Variants in NCSTN observed in about 807,000 individuals in gnomAD.
The protein encoded by NCSTN is nicastrin.
NCSTN carries 22 observed loss-of-function variants against 87.0 expected under a neutral mutation model. The observed-to-expected ratio is 0.25, with a 90% CI of 0.18 to 0.36. The LOEUF is 0.36. Ranked by LOEUF, NCSTN falls within the 10% of genes least tolerant of loss-of-function variation. The pLI is 1.00. For synonymous variants in NCSTN, 306 were observed against 327.1 expected, an observed-to-expected ratio of 0.94 and a Z score of 0.69; for missense variants, 693 against 883.3, an observed-to-expected ratio of 0.78 and a Z score of 2.73.
intron 16 of NCSTN, 83 bp from the exon 17 acceptor site, chr1:160,358,066 T>C: frequency 6.3e-7 from 1 of 1,598,302 alleles, no homozygotes; most frequent in Admixed American, 1.7e-5. Context: ...TTCCCATGGC[T>C]CCAAACCCCA....
At chr1:160,350,290 G>A in intron 5 of NCSTN, 40 bp downstream of exon 5, 1 of 1,609,024 alleles carries the variant, frequency 6.2e-7, no homozygotes. Context: ...CAGTTAGAAA[G>A]AAGATTATTT....
At chr1:160,348,352 G>A (rs978431801) in intron 2 of NCSTN, among the ~76,000 whole-genome samples, 13 of 152,178 alleles carry the variant, frequency 8.5e-5, no homozygotes, top group South Asian at 6.2e-4. Context: ...AGGGCATCCT[G>A]GGGTAAATGA....
rs143578377 is a variant in NCSTN at position 160,356,634 on chromosome 1, C to T, written c.1674C>T (p.Ser558=). 7 of 1,614,112 alleles carry T rather than the reference C, an allele frequency of 4.3e-6. No homozygotes were observed. The highest frequency in any genetic ancestry group is 1.3e-5 in the African/African-American group (1 of 74,938). Residue 558 remains serine, a synonymous_variant, in exon 15 of 17, where the codon TCC becomes TCT. Coordinates refer to ENST00000294785, the MANE Select transcript of NCSTN (RefSeq NM_015331.3). Reference sequence around the variant, plus strand: ...CTCTTCAACATTACATCGCTGTCTCCAGCCCCACCAACACCACTTATGTTG... The same window carrying T: ...CTCTTCAACATTACATCGCTGTCTCTAGCCCCACCAACACCACTTATGTTG... ...DGPLQHYIAV[S]SPTNTTYVVQ... is the part of the protein sequence containing the mutation.
Position 160,356,629 on chromosome 1 carries a change from G to A in NCSTN, c.1669G>A (p.Val557Ile). The A allele has an allele frequency of 6.2e-7, 1 of 1,614,168 alleles. No homozygotes were observed. The highest frequency in any genetic ancestry group is 2.2e-5 in the East Asian group (1 of 44,874). The part of the protein sequence containing the change: ...GDGPLQHYIA[V>I]SSPTNTTYVV... ...CGGGCCTCTTCAACATTACATCGCT[G>A]TCTCCAGCCCCACCAACACCACTTA... is the stretch of plus-strand genomic sequence containing the variant. The change falls in exon 15 of 17, where the codon GTC becomes ATC. Residue 557 changes from valine (V) to isoleucine (I), a missense_variant. Physicochemically the swap from Val to Ile is conservative, Grantham distance 29. This residue lies in a region of NCSTN where 216 missense variants were observed against 311.7 expected (regional missense o/e 0.69). Coordinates refer to ENST00000294785, the MANE Select transcript of NCSTN (RefSeq NM_015331.3).
Position 160,354,284 on chromosome 1 carries a change from A to C in NCSTN, c.1346A>C (p.His449Pro). The C allele has an allele frequency of 1.2e-6, 2 of 1,614,130 alleles. No homozygotes were observed. Among genetic ancestry groups the C allele is most frequent in the South Asian group, 2.2e-5 (2 of 91,078 alleles). ...CTGGCTGACCACTCTGGTGCCTTCCATAACAAGTAAGAATCACTTGGCCCT... is the reference window on the plus strand; with the variant it reads ...CTGGCTGACCACTCTGGTGCCTTCCCTAACAAGTAAGAATCACTTGGCCCT... Reference protein sequence around the residue: ...VVLADHSGAFHNKYYQSIYDT... With the variant: ...VVLADHSGAFPNKYYQSIYDT... The change falls in exon 11 of 17, where the codon CAT (histidine) becomes CCT (proline). Residue 449 changes from histidine (H) to proline (P), a missense_variant. Coordinates refer to ENST00000294785, the MANE Select transcript of NCSTN (RefSeq NM_015331.3).
Position 160,353,258 on chromosome 1 carries a change from C to T in NCSTN, c.1179+21C>T, listed in dbSNP as rs1056821086. On this transcript the variant is annotated intron_variant, in intron 10 of 16. Coordinates refer to ENST00000294785, the MANE Select transcript of NCSTN (RefSeq NM_015331.3). Reference sequence around the variant, plus strand: ...ACCAGGTAACCTGAGCATCTCCCCTCATTTCCTATTCCTACAGCTCAGAAT... The same window carrying T: ...ACCAGGTAACCTGAGCATCTCCCCTTATTTCCTATTCCTACAGCTCAGAAT... 1.9e-6 allele frequency: 3 copies of T among 1,613,970 alleles called. No individual in the cohort carries two copies. The African/African-American group carries it at 4.0e-5, about 22-fold the overall frequency.
intron 1 of NCSTN, 36 bp from the exon 2 acceptor site, chr1:160,344,686 C>T (rs763354170): frequency 1.2e-6 from 2 of 1,610,234 alleles, no homozygotes; most frequent in South Asian, 2.2e-5. Flanking sequence ...ACCTGTGTCT[C>T]TCAAATTTTT....
chr1:160,348,399 C>G (rs370836643), intron 2 of NCSTN, among the ~76,000 whole-genome samples: 77 of 152,276 alleles, frequency 5.1e-4, no homozygotes, highest in African/African-American at 1.7e-3. Context: ...TTTGGAAACC[C>G]TAGGTTTCCT....
In NCSTN at chr1:160,358,607, G is replaced by A; in HGVS notation, c.*336G>A. The A allele has an allele frequency of 2.7e-6, 1 of 373,848 alleles. No homozygotes were observed. The highest frequency in any genetic ancestry group is 5.2e-6 in the Non-Finnish European group (1 of 193,980). The allele number at this position is 373,848 out of a possible 1,614,324, so 23.2% of individuals were successfully genotyped here. ...AGGACCCTTCTACTTTTTCCTTCCT[G>A]CCCTGTACCTCTCTCTGCTCCTCAC... On this transcript the variant is annotated 3_prime_UTR_variant, in exon 17 of 17. Coordinates refer to ENST00000294785, the MANE Select transcript of NCSTN (RefSeq NM_015331.3).
chr1:160,353,012 C>T (rs1181318447), intron 9 of NCSTN, 21 bp downstream of exon 9: 2 of 1,602,740 alleles, frequency 1.2e-6, no homozygotes, highest in South Asian at 2.2e-5. Context: ...TGTCCCCCAG[C>T]CCCTTCCTTT....
rs542926475 is a variant in NCSTN, at chr1:160,358,944, C to T, written c.*673C>T. The T allele has an allele frequency of 6.6e-6, 1 of 152,536 alleles. No individual in the cohort carries two copies. Among genetic ancestry groups the T allele is most frequent in the Non-Finnish European group, 1.5e-5 (1 of 68,394 alleles). The allele number at this position is 152,536 out of a possible 1,614,324, so 9.4% of individuals were successfully genotyped here. A position where few individuals can be genotyped will look rare whatever the true frequency, so the allele number is the denominator to read the frequency against. On this transcript the variant is annotated 3_prime_UTR_variant, in exon 17 of 17. Coordinates refer to ENST00000294785, the MANE Select transcript of NCSTN (RefSeq NM_015331.3). ...AATGAGTTTCATTAAAATAGATTATCCCACACGACTTGTACTGCTAGTTAT... is the reference window on the plus strand; with the variant it reads ...AATGAGTTTCATTAAAATAGATTATTCCACACGACTTGTACTGCTAGTTAT...
Position 160,354,147 on chromosome 1 carries a change from G to C in NCSTN, c.1209G>C (p.Lys403Asn). Residue 403 changes from lysine (K) to asparagine (N), a missense_variant, in exon 11 of 17, where the codon AAG becomes AAC. This residue lies in a region of NCSTN where 108 missense variants were observed against 111.6 expected (regional missense o/e 0.97). Coordinates refer to ENST00000294785, the MANE Select transcript of NCSTN (RefSeq NM_015331.3). Reference protein sequence around the residue: ...QVEDLLATLEKSGAGVPAVIL... With the variant: ...QVEDLLATLENSGAGVPAVIL... ...AGGATCTCCTGGCCACATTGGAGAA[G>C]AGTGGTGCTGGTGTCCCTGCTGTCA... 6.2e-7 allele frequency: 1 copy of C among 1,614,166 alleles called. No homozygotes were observed. Among genetic ancestry groups the C allele is most frequent in the African/African-American group, 1.3e-5 (1 of 75,030 alleles).
chr1:160,345,928 G>T (rs1200426449), intron 2 of NCSTN, among the ~76,000 whole-genome samples: 3 of 96,596 alleles, frequency 3.1e-5, no homozygotes, highest in Admixed American at 1.6e-4. Flanking sequence ...GACAGAGTGA[G>T]ACACTGTCTG....
Position 160,357,270 on chromosome 1 carries a change from G to C in NCSTN, c.2007+17G>C, listed in dbSNP as rs751299783. ...GAGCTTGAGGTGAGATGGGGCAGGGGCATAGGTGGCAGGGATCTGTTTGAC... is the reference window on the plus strand; with the variant it reads ...GAGCTTGAGGTGAGATGGGGCAGGGCCATAGGTGGCAGGGATCTGTTTGAC... On this transcript the variant is annotated intron_variant, in intron 16 of 16. Transcript: ENST00000294785. 5.6e-6 allele frequency: 9 copies of C among 1,598,920 alleles called. No homozygotes were observed. The highest frequency in any genetic ancestry group is 1.7e-5 in the Admixed American group (1 of 58,252).
chr1:160,353,966 G>A, intron 10 of NCSTN, 152 bp from the exon 11 acceptor site: 3 of 890,820 alleles, frequency 3.4e-6, no homozygotes, highest in Non-Finnish European at 5.1e-6. Flanking sequence ...AGAGAGCCTT[G>A]GTCCCAAAAG....
At chr1:160,349,233 G>A (rs1648697618) in intron 3 of NCSTN, 111 bp downstream of exon 3, 3 of 1,431,674 alleles carry the variant, frequency 2.1e-6, no homozygotes, top group Non-Finnish European at 2.9e-6. Flanking sequence ...TCTGGTCAGG[G>A]GAGAGGGCAG....
At chr1:160,346,313 TGCATAAAGCTGAAA>T (rs1648487805) in intron 2 of NCSTN, among the ~76,000 whole-genome samples, 1 of 152,204 alleles carries the variant, frequency 6.6e-6, no homozygotes. Flanking sequence ...TTGGAGTACT[TGCATAAAGCTGAAA>T]GTCAAATACC....
At chr1:160,355,841 G>T in intron 12 of NCSTN, 22 bp from the exon 13 acceptor site, 1 of 1,609,292 alleles carries the variant, frequency 6.2e-7, no homozygotes. Context: ...GGGCCATTCA[G>T]CCCCCTCCTC....
chr1:160,346,504 G>C (rs1648499314), intron 2 of NCSTN, among the ~76,000 whole-genome samples: 1 of 152,136 alleles, frequency 6.6e-6, no homozygotes, highest in Admixed American at 6.5e-5. Flanking sequence ...CTTTCCCTGA[G>C]CTATAGTATC....
Sources: allele counts gnomAD v4.1 joint callset (sites outside exome capture counted in the v4.1 genomes callset), GRCh38; gene constraint gnomAD v4.1.1; regional missense constraint gnomAD v4.1.1; transcripts MANE v1.5; gene names NCBI Gene and HGNC (gene_info 2026-07-23, HGNC 2026-07-21).